Variants in RAB28 observed in about 807,000 individuals in gnomAD.
The protein encoded by RAB28 is ras-related protein Rab-28.
RAB28 carries 24 observed loss-of-function variants against 31.7 expected under a neutral mutation model. The observed-to-expected ratio is 0.76, with a 90% CI of 0.55 to 1.06. The LOEUF is 1.06. RAB28 is among the 50% of genes least tolerant of loss of function. RAB28 has a pLI of 0.00. For missense variants in RAB28, 254 were observed against 258.5 expected, an observed-to-expected ratio of 0.98 and a Z score of 0.12; for synonymous variants, 100 against 90.4, an observed-to-expected ratio of 1.11 and a Z score of -0.60.
intron 4 of RAB28, among the ~76,000 whole-genome samples, chr4:13,411,790 A>C (rs933089179): frequency 5.3e-5 from 8 of 152,016 alleles, no homozygotes; most frequent in Non-Finnish European, 8.8e-5. Flanking sequence ...ATTGATTACA[A>C]AAACAAGGGA....
intron 4 of RAB28, among the ~76,000 whole-genome samples, chr4:13,407,485 T>C (rs1216001400): frequency 6.6e-6 from 1 of 152,166 alleles, no homozygotes; most frequent in Non-Finnish European, 1.5e-5. Flanking sequence ...GTCTTGCCTA[T>C]ATGGGCTCTT....
At chr4:13,433,223 A>C (rs1431548486) in intron 4 of RAB28, among the ~76,000 whole-genome samples, 1 of 152,030 alleles carries the variant, frequency 6.6e-6, no homozygotes, top group African/African-American at 2.4e-5. Context: ...GTTCAAAAAA[A>C]AAAAGACAAA....
chr4:13,377,724 C>G (rs1332356252), intron 5 of RAB28, among the ~76,000 whole-genome samples: 1 of 152,072 alleles, frequency 6.6e-6, no homozygotes, highest in Non-Finnish European at 1.5e-5. Context: ...ACCAAGTGTA[C>G]AAAAACAGAA....
In RAB28 at chr4:13,370,033, A is replaced by G. The variant is rs558164336; in HGVS notation, c.574-1383T>C. Reference sequence around the variant, plus strand: ...TTAAAAAAAAAAAGACAAAATGGAAAGTATGTTCAATGACTGAATATAGAA... The same window carrying G: ...TTAAAAAAAAAAAGACAAAATGGAAGGTATGTTCAATGACTGAATATAGAA... On this transcript the variant is annotated intron_variant, in intron 6 of 6. Transcript: ENST00000330852. The G allele has an allele frequency of 5.1e-6, 8 of 1,559,842 alleles. No homozygotes were observed. In the South Asian group the frequency reaches 9.7e-5, roughly 19 times the overall value.
intron 4 of RAB28, among the ~76,000 whole-genome samples, chr4:13,388,060 A>G (rs1729454478): frequency 6.7e-6 from 1 of 148,420 alleles, no homozygotes; most frequent in Non-Finnish European, 1.5e-5. Flanking sequence ...AGATCTTTTA[A>G]CAAACGTGGT....
At chr4:13,439,730 T>C (rs1714316398) in intron 4 of RAB28, among the ~76,000 whole-genome samples, 1 of 152,224 alleles carries the variant, frequency 6.6e-6, no homozygotes, top group Non-Finnish European at 1.5e-5. Context: ...TTTTTTGTTG[T>C]TGTTATCTTC....
chr4:13,390,786 C>T (rs1467693673), intron 4 of RAB28, among the ~76,000 whole-genome samples: 3 of 152,014 alleles, frequency 2.0e-5, no homozygotes, highest in South Asian at 4.2e-4. Flanking sequence ...ACAAACCTGA[C>T]AAAAACAAGC....
chr4:13,371,609 T>A, intron 6 of RAB28: 1 of 985,322 alleles, frequency 1.0e-6, no homozygotes, highest in Non-Finnish European at 1.2e-6. Context: ...ACATAAAGCT[T>A]TGTAAAATGT....
intron 4 of RAB28, among the ~76,000 whole-genome samples, chr4:13,399,561 A>G (rs1711627027): frequency 6.6e-6 from 1 of 152,180 alleles, no homozygotes; most frequent in East Asian, 1.9e-4. Flanking sequence ...AGTAGTGACT[A>G]TGAGTTCCTG....
chr4:13,398,612 A>C (rs1711575786), intron 4 of RAB28, among the ~76,000 whole-genome samples: 1 of 152,070 alleles, frequency 6.6e-6, no homozygotes, highest in South Asian at 2.1e-4. Flanking sequence ...CCCCATCTCT[A>C]CTAAAAATAT....
At chr4:13,400,189 C>T (rs1711667277) in intron 4 of RAB28, among the ~76,000 whole-genome samples, 1 of 152,130 alleles carries the variant, frequency 6.6e-6, no homozygotes, top group Non-Finnish European at 1.5e-5. Flanking sequence ...GATTTGTTTC[C>T]AGTGTCTCAA....
chr4:13,444,437 T>G (rs149867116), intron 4 of RAB28, among the ~76,000 whole-genome samples: 421 of 152,276 alleles, frequency 2.8e-3, no homozygotes, highest in African/African-American at 9.7e-3. Context: ...GATGGACACA[T>G]AGGCAGACTC....
At chr4:13,388,595 G>GGAGAAGATATTT (rs1729489163) in intron 4 of RAB28, among the ~76,000 whole-genome samples, 1 of 151,824 alleles carries the variant, frequency 6.6e-6, no homozygotes, top group Non-Finnish European at 1.5e-5. Context: ...CTACAAAATG[G>GGAGAAGATATTT]GAGAAGATAT....
intron 4 of RAB28, among the ~76,000 whole-genome samples, chr4:13,427,406 GAAAC>G (rs1553872000): frequency 2.0e-5 from 3 of 152,154 alleles, no homozygotes; most frequent in Non-Finnish European, 1.5e-5. Context: ...CCTGAGACAA[GAAAC>G]AAACAAGGTA....
At chr4:13,371,612 T>C in intron 6 of RAB28, 1 of 985,336 alleles carries the variant, frequency 1.0e-6, no homozygotes, top group Non-Finnish European at 1.2e-6. Flanking sequence ...TAAAGCTTTG[T>C]AAAATGTTTC....
At chr4:13,440,820 C>T (rs1714374616) in intron 4 of RAB28, among the ~76,000 whole-genome samples, 1 of 151,738 alleles carries the variant, frequency 6.6e-6, no homozygotes, top group Admixed American at 6.6e-5. Context: ...TTCACTATGA[C>T]TAGCGCTGTA....
intron 4 of RAB28, among the ~76,000 whole-genome samples, chr4:13,423,945 A>G (rs2108924402): frequency 6.6e-6 from 1 of 152,170 alleles, no homozygotes; most frequent in Non-Finnish European, 1.5e-5. Flanking sequence ...ATAAGCTTGG[A>G]GGTACAAAAG....
chr4:13,391,876 C>T (rs1043287936), intron 4 of RAB28, among the ~76,000 whole-genome samples: 30 of 142,948 alleles, frequency 2.1e-4, no homozygotes, highest in Admixed American at 1.0e-3. Flanking sequence ...GGACACGGGG[C>T]GGGGAACATC....
At chr4:13,431,732 ACAAT>A (rs1713815990) in intron 4 of RAB28, among the ~76,000 whole-genome samples, 2 of 152,120 alleles carry the variant, frequency 1.3e-5, no homozygotes, top group South Asian at 4.1e-4. Context: ...ACGAAGCCAA[ACAAT>A]CATACACAAT....
Sources: allele counts gnomAD v4.1 joint callset (sites outside exome capture counted in the v4.1 genomes callset), GRCh38; gene constraint gnomAD v4.1.1; transcripts MANE v1.5; gene names NCBI Gene and HGNC (gene_info 2026-07-23, HGNC 2026-07-21).